The following MAGI1 variants were observed in gnomAD, a reference collection of about 807,000 sequenced individuals.
The protein encoded by MAGI1 is membrane-associated guanylate kinase, WW and PDZ domain-containing protein 1.
MAGI1 carries 58 observed loss-of-function variants against 139.9 expected under a neutral mutation model. That is an observed-to-expected ratio of 0.41 (90% CI 0.34 to 0.52). The LOEUF (loss-of-function observed/expected upper bound fraction) is 0.52, where lower values mean the gene tolerates loss of function less well. Ranked by LOEUF, MAGI1 falls within the 20% of genes least tolerant of loss-of-function variation. The pLI is 0.12. For synonymous variants in MAGI1, 812 were observed against 737.9 expected, an observed-to-expected ratio of 1.10 and a Z score of -1.63; for missense variants, 1,874 against 1,901.6, an observed-to-expected ratio of 0.99 and a Z score of 0.27.
chr3:66,013,323 T>C (rs182050218), intron 1 of MAGI1, among the ~76,000 whole-genome samples: 272 of 149,724 alleles, frequency 1.8e-3, no homozygotes, highest in African/African-American at 5.9e-3. Flanking sequence ...GAATCACTTG[T>C]ACCCAGGTGG....
intron 2 of MAGI1, among the ~76,000 whole-genome samples, chr3:65,541,488 A>C (rs1299394250): frequency 1.3e-5 from 2 of 152,228 alleles, no homozygotes; most frequent in African/African-American, 4.8e-5. Flanking sequence ...TTTCAGGTGA[A>C]TATCCCTGAT....
At chr3:65,965,907 C>T (rs901653022) in intron 1 of MAGI1, among the ~76,000 whole-genome samples, 2 of 152,152 alleles carry the variant, frequency 1.3e-5, no homozygotes, top group Non-Finnish European at 2.9e-5. Flanking sequence ...CCTGCCTCCA[C>T]CTCCCAAAGT....
At chr3:65,678,357 A>G (rs201220926) in intron 1 of MAGI1, among the ~76,000 whole-genome samples, 1 of 21,440 alleles carries the variant, frequency 4.7e-5, no homozygotes, top group African/African-American at 2.8e-4. Flanking sequence ...TAAAATAAAA[A>G]GGTAAAAAAA....
chr3:65,527,156 G>T (rs2078423843), intron 2 of MAGI1, among the ~76,000 whole-genome samples: 1 of 152,216 alleles, frequency 6.6e-6, no homozygotes, highest in South Asian at 2.1e-4. Flanking sequence ...CAGCTCCTTT[G>T]TCACACCAGT....
intron 2 of MAGI1, among the ~76,000 whole-genome samples, chr3:65,508,391 G>A (rs796647707): frequency 2.1e-4 from 32 of 151,792 alleles, no homozygotes; most frequent in African/African-American, 7.0e-4. Flanking sequence ...GTGACAGAGT[G>A]AGACTCTGTC....
chr3:65,527,918 A>AG (rs2078465064), intron 2 of MAGI1, among the ~76,000 whole-genome samples: 2 of 151,920 alleles, frequency 1.3e-5, no homozygotes, highest in East Asian at 1.9e-4. Context: ...GGAAAAAAAA[A>AG]AAAAAGTTAA....
intron 12 of MAGI1, among the ~76,000 whole-genome samples, chr3:65,424,658 G>A (rs1477153789): frequency 1.3e-5 from 2 of 152,104 alleles, no homozygotes; most frequent in Non-Finnish European, 2.9e-5. Context: ...TAGAATGTGG[G>A]AGCTGAAATG....
rs576107290 is a variant in MAGI1, at chr3:65,958,902, G to A, written c.313+79094C>T. Among the ~76,000 whole-genome samples the A allele has an allele frequency of 7.2e-5, 11 of 151,886 alleles. No homozygotes were observed. In the South Asian group the frequency reaches 1.9e-3, roughly 26 times the overall value. On this transcript the variant is annotated intron_variant, in intron 1 of 22. Transcript: ENST00000402939. The stretch of plus-strand genomic sequence containing the variant: ...CTGGGGAGGTTGAGGCACGAGAATC[G>A]TTTGAACCCCGAAGGCAGAGGATAC...
chr3:65,403,036 T>C (rs565615839), intron 12 of MAGI1, among the ~76,000 whole-genome samples: 3 of 152,290 alleles, frequency 2.0e-5, no homozygotes, highest in African/African-American at 7.2e-5. Context: ...GAAACTCTGA[T>C]ATGGTAGAGT....
rs112844034 is a variant in MAGI1, at chr3:65,838,155, C to CA, written c.313+199840dup. Among the ~76,000 whole-genome samples the CA allele has an allele frequency of 3.2e-3, 492 of 152,076 alleles. 1 individual carries two copies. The highest frequency in any genetic ancestry group is 0.011 in the African/African-American group (469 of 41,478). ...TGGGCACAGTATTTTACTAAAAATACAAAAAAATTAGCTGGGTGTGGTGGC... is the reference window on the plus strand; with the variant it reads ...TGGGCACAGTATTTTACTAAAAATACAAAAAAAATTAGCTGGGTGTGGTGGC... On this transcript the variant is annotated intron_variant, in intron 1 of 22. Transcript: ENST00000402939.
chr3:65,684,081 G>C (rs1236540478), intron 1 of MAGI1, among the ~76,000 whole-genome samples: 1 of 149,390 alleles, frequency 6.7e-6, no homozygotes, highest in African/African-American at 2.5e-5. Flanking sequence ...GGCTGGGGCA[G>C]GAGGATTGCT....
chr3:65,891,596 C>T (rs911596102), intron 1 of MAGI1, among the ~76,000 whole-genome samples: 3 of 151,646 alleles, frequency 2.0e-5, no homozygotes, highest in East Asian at 1.9e-4. Context: ...CAGGAGTCAA[C>T]GTGATACACA....
At chr3:65,678,360 T>TA (rs5849685) in intron 1 of MAGI1, among the ~76,000 whole-genome samples, 135,054 of 150,684 alleles carry the variant, frequency 0.9, 60,553 homozygotes, top group East Asian at 0.98. Flanking sequence ...AATAAAAAGG[T>TA]AAAAAAAAAA....
chr3:65,499,157 G>A (rs1388248034), intron 2 of MAGI1: 5 of 437,248 alleles, frequency 1.1e-5, no homozygotes, highest in African/African-American at 8.8e-5. Flanking sequence ...TATTGGCTGT[G>A]GTCTCTAGGA....
chr3:65,864,615 T>C (rs770738191), intron 1 of MAGI1, among the ~76,000 whole-genome samples: 9 of 152,170 alleles, frequency 5.9e-5, no homozygotes, highest in Non-Finnish European at 1.3e-4. Flanking sequence ...TTCATTCTGG[T>C]TTCCCAGATT....
chr3:65,685,124 T>C (rs550678100), intron 1 of MAGI1, among the ~76,000 whole-genome samples: 44 of 152,132 alleles, frequency 2.9e-4, no homozygotes, highest in Admixed American at 2.3e-3. Context: ...GCTCTCACTG[T>C]ATTATTTTGT....
In MAGI1 at chr3:65,638,597, A is replaced by ATTTTTTTTT. The variant is rs1173086138; in HGVS notation, c.314-16518_314-16510dup. 2.2e-4 allele frequency among the ~76,000 whole-genome samples: 9 copies of ATTTTTTTTT among 41,012 alleles called. 1 individual carries two copies. Among genetic ancestry groups the ATTTTTTTTT allele is most frequent in the Non-Finnish European group, 3.6e-4 (8 of 22,236 alleles). The allele number at this position is 41,012 out of a possible 152,430, so 26.9% of individuals were successfully genotyped here. ...AGGAGTGCGCCACCATGCTCTCCTGATTTTTTTTTTTTTTTTTTTTTTTTT... is the reference window on the plus strand; with the variant it reads ...AGGAGTGCGCCACCATGCTCTCCTGATTTTTTTTTTTTTTTTTTTTTTTTTTTTTTTTTT... On this transcript the variant is annotated intron_variant, in intron 1 of 22. Transcript: ENST00000402939.
chr3:65,598,406 T>C (rs112920802), intron 2 of MAGI1, among the ~76,000 whole-genome samples: 1 of 152,266 alleles, frequency 6.6e-6, no homozygotes, highest in Non-Finnish European at 1.5e-5. Flanking sequence ...CGTGACTCCC[T>C]TTCTTGGTTA....
intron 1 of MAGI1, among the ~76,000 whole-genome samples, chr3:65,878,515 CAAA>C (rs35158287): frequency 4.9e-5 from 4 of 81,248 alleles, no homozygotes; most frequent in Non-Finnish European, 5.2e-5. Flanking sequence ...GACTCAGTCT[CAAA>C]AAAAAAAAAA....
Sources: allele counts gnomAD v4.1 joint callset (sites outside exome capture counted in the v4.1 genomes callset), GRCh38; gene constraint gnomAD v4.1.1; transcripts MANE v1.5; gene names NCBI Gene and HGNC (gene_info 2026-07-23, HGNC 2026-07-21).